The following GABRG3 variants were observed in gnomAD, a reference collection of about 807,000 sequenced individuals.
The protein encoded by GABRG3 is gamma-aminobutyric acid receptor subunit gamma-3.
In GABRG3, 25 loss-of-function variants were observed where a neutral mutation model predicts 48.8. The observed-to-expected ratio is 0.51, with a 90% confidence interval of 0.37 to 0.72. The LOEUF is 0.72. GABRG3 is among the 30% of genes least tolerant of loss of function. The pLI, the probability that GABRG3 is intolerant of heterozygous loss-of-function variation, is 0.00. For missense variants in GABRG3, 394 were observed against 577.9 expected (o/e 0.68, Z 3.26); for synonymous variants, 227 against 217.6 (o/e 1.04, Z -0.38).
At chr15:27,529,419 A>G (rs934271119) in intron 9 of GABRG3, among the ~76,000 whole-genome samples, 10 of 149,122 alleles carry the variant, frequency 6.7e-5, no homozygotes, top group African/African-American at 2.0e-4. Flanking sequence ...TATACTAATT[A>G]CAATTTACTA....
intron 3 of GABRG3, among the ~76,000 whole-genome samples, chr15:27,303,183 A>T (rs1892271223): frequency 1.3e-5 from 2 of 151,762 alleles, no homozygotes; most frequent in Admixed American, 1.3e-4. Context: ...AATCAAATCT[A>T]ATTCTGTGAA....
At chr15:27,246,270 G>A (rs1317453178) in intron 3 of GABRG3, among the ~76,000 whole-genome samples, 2 of 151,986 alleles carry the variant, frequency 1.3e-5, no homozygotes, top group African/African-American at 4.8e-5. Context: ...ATATATAAAT[G>A]TAAATATATT....
chr15:27,042,581 A>C (rs1896295841), intron 3 of GABRG3, among the ~76,000 whole-genome samples: 1 of 152,020 alleles, frequency 6.6e-6, no homozygotes, highest in Non-Finnish European at 1.5e-5. Context: ...CCTGCCCTCC[A>C]CCATGTCCCG....
At chr15:27,176,485 A>T (rs184410901) in intron 3 of GABRG3, among the ~76,000 whole-genome samples, 257 of 152,358 alleles carry the variant, frequency 1.7e-3, no homozygotes, top group South Asian at 8.3e-3. Context: ...AGTGTTAATG[A>T]ATCATGATAA....
chr15:27,443,940 A>G (rs961512088), intron 5 of GABRG3, among the ~76,000 whole-genome samples: 1 of 152,200 alleles, frequency 6.6e-6, no homozygotes, highest in Non-Finnish European at 1.5e-5. Flanking sequence ...ATAAGGTAAA[A>G]CATATCTATT....
rs764682797 is a variant in GABRG3 at position 27,156,058 on chromosome 15, G to A, written c.270+129237G>A. Among the ~76,000 whole-genome samples, 5 of 151,996 alleles carry A rather than the reference G, an allele frequency of 3.3e-5. No individual in the cohort carries two copies. In the South Asian group the frequency reaches 8.3e-4, roughly 25 times the overall value. ...CTCATGCCTGTGATCCCAGCACTTC[G>A]GGAGGCTGAGGCAGGCGGATCATGA... On this transcript the variant is annotated intron_variant, in intron 3 of 9. Coordinates refer to ENST00000615808, the MANE Select transcript of GABRG3 (RefSeq NM_033223.5).
chr15:27,065,644 A>G (rs937843681), intron 3 of GABRG3, among the ~76,000 whole-genome samples: 1 of 152,222 alleles, frequency 6.6e-6, no homozygotes, highest in African/African-American at 2.4e-5. Flanking sequence ...TGTGTAGCAT[A>G]AGACTTTCGT....
At chr15:27,365,322 C>G (rs974161675) in intron 5 of GABRG3, 3 of 85,610 alleles carry the variant, frequency 3.5e-5, no homozygotes, top group African/African-American at 1.5e-4. Flanking sequence ...CACACACACA[C>G]ACACACACAC....
At chr15:27,093,822 C>A (rs1161481038) in intron 3 of GABRG3, among the ~76,000 whole-genome samples, 2 of 152,130 alleles carry the variant, frequency 1.3e-5, no homozygotes, top group African/African-American at 2.4e-5. Context: ...ATGTCGAGGT[C>A]CCTTCAGCGT....
chr15:27,215,804 C>A (rs1471116307), intron 3 of GABRG3, among the ~76,000 whole-genome samples: 3 of 152,272 alleles, frequency 2.0e-5, no homozygotes, highest in East Asian at 3.9e-4. Flanking sequence ...CTTTGCTGTG[C>A]CTTTGTAGTC....
At chr15:27,024,332 C>T (rs1035737355) in intron 2 of GABRG3, among the ~76,000 whole-genome samples, 1 of 152,060 alleles carries the variant, frequency 6.6e-6, no homozygotes, top group Non-Finnish European at 1.5e-5. Flanking sequence ...ATTTATTTTT[C>T]TTTTGTTGCC....
chr15:27,339,066 A>G (rs1894076601), intron 5 of GABRG3, among the ~76,000 whole-genome samples: 1 of 152,080 alleles, frequency 6.6e-6, no homozygotes, highest in Non-Finnish European at 1.5e-5. Context: ...GCAGGAAAGG[A>G]GCATACTGCT....
At chr15:27,255,244 C>T (rs1890576319) in intron 3 of GABRG3, among the ~76,000 whole-genome samples, 1 of 152,214 alleles carries the variant, frequency 6.6e-6, no homozygotes, top group South Asian at 2.1e-4. Flanking sequence ...CACCCTTCTG[C>T]CTCTTACCCC....
intron 2 of GABRG3, among the ~76,000 whole-genome samples, chr15:27,005,278 G>T (rs1317570072): frequency 1.3e-5 from 2 of 151,962 alleles, no homozygotes; most frequent in Non-Finnish European, 2.9e-5. Context: ...TCGGCTCACT[G>T]CAACCTCCGC....
At chr15:27,085,854 A>G (rs1897066348) in intron 3 of GABRG3, among the ~76,000 whole-genome samples, 1 of 152,136 alleles carries the variant, frequency 6.6e-6, no homozygotes, top group African/African-American at 2.4e-5. Context: ...AATCCTTCCT[A>G]TGTTCTGCAA....
chr15:27,350,433 TG>T, intron 5 of GABRG3: 1 of 325,290 alleles, frequency 3.1e-6, no homozygotes, highest in South Asian at 2.6e-5. Flanking sequence ...TTTTTTCAAA[TG>T]GATATCAGTA....
At chr15:27,054,227 A>G (rs1429234467) in intron 3 of GABRG3, among the ~76,000 whole-genome samples, 1 of 151,952 alleles carries the variant, frequency 6.6e-6, no homozygotes, top group East Asian at 1.9e-4. Context: ...CGAAAGAGCC[A>G]AACTCTATCT....
intron 5 of GABRG3, among the ~76,000 whole-genome samples, chr15:27,357,278 A>G (rs1055804913): frequency 2.6e-5 from 4 of 152,176 alleles, no homozygotes; most frequent in Middle Eastern, 3.2e-3. Context: ...AGATCCACTG[A>G]GTCTCAATAG....
In GABRG3 at chr15:27,536,096, A is replaced by T. The variant is rs1891541129; in HGVS notation, c.*3215A>T. 6.6e-6 allele frequency: 1 copy of T among 152,222 alleles called. No individual in the cohort carries two copies. Among genetic ancestry groups the T allele is most frequent in the Non-Finnish European group, 1.5e-5 (1 of 68,038 alleles). 9.4% of individuals were successfully genotyped at this position (152,222 alleles called of 1,614,324 possible). A position where few individuals can be genotyped will look rare whatever the true frequency, so the allele number is the denominator to read the frequency against. On this transcript the variant is annotated 3_prime_UTR_variant, in exon 10 of 10. Transcript: ENST00000615808. The stretch of plus-strand genomic sequence containing the variant: ...ATGACAGTTCTGTATTTTGACATGG[A>T]ATCCAAATTTCTGACCACTGTGGAT...
Sources: gnomAD v4.1 joint callset for allele counts (sites outside exome capture counted in the v4.1 genomes callset) on GRCh38, gnomAD v4.1.1 for gene constraint, MANE v1.5 for transcripts, NCBI Gene and HGNC (gene_info 2026-07-23, HGNC 2026-07-21) for gene names.